The following FXR2 variants were observed in gnomAD, a reference collection of about 807,000 sequenced individuals.
The protein encoded by FXR2 is RNA-binding protein FXR2.
FXR2 carries 9 observed loss-of-function variants against 87.3 expected under a neutral mutation model. That is an observed-to-expected ratio of 0.10 (90% CI 0.06 to 0.18). The LOEUF (loss-of-function observed/expected upper bound fraction) is 0.18. Ranked by LOEUF, FXR2 falls within the 10% of genes least tolerant of loss-of-function variation. The pLI, the probability that FXR2 is intolerant of heterozygous loss-of-function variation, is 1.00. For missense variants in FXR2, 661 were observed against 893.6 expected (o/e 0.74, Z 3.32); for synonymous variants, 331 against 328.3 (o/e 1.01, Z -0.09).
chr17:7,603,030 C>A (rs763077481), intron 5 of FXR2, 28 bp from the exon 6 acceptor site: 28 of 1,129,072 alleles, frequency 2.5e-5, no homozygotes, highest in Middle Eastern at 3.9e-4. Context: ...ACTCAGCGGG[C>A]AGAATGCAGA....
chr17:7,607,572 C>T (rs1012233911), intron 1 of FXR2, among the ~76,000 whole-genome samples: 4 of 151,764 alleles, frequency 2.6e-5, no homozygotes, highest in African/African-American at 9.7e-5. Context: ...AGATTACAGG[C>T]AACCGCCACC....
intron 1 of FXR2, among the ~76,000 whole-genome samples, chr17:7,609,903 CATAT>C (rs1022061288): frequency 7.6e-6 from 1 of 132,284 alleles, no homozygotes; most frequent in Admixed American, 8.4e-5. Flanking sequence ...TATACACATA[CATAT>C]ATATGTATAT....
chr17:7,605,910 T>C, intron 2 of FXR2, 172 bp from the exon 3 acceptor site: 2 of 644,420 alleles, frequency 3.1e-6, no homozygotes, highest in Non-Finnish European at 5.5e-6. Flanking sequence ...AGACTCTAAA[T>C]ACTGGGTCAA....
chr17:7,593,702 G>T lies in FXR2; in HGVS notation c.1108-77C>A. The T allele has an allele frequency of 2.0e-6, 2 of 1,023,562 alleles. No homozygotes were observed. Among genetic ancestry groups the T allele is most frequent in the Middle Eastern group, 2.0e-4 (1 of 4,942 alleles). The allele number at this position is 1,023,562 out of a possible 1,614,324, so 63.4% of individuals were successfully genotyped here. On this transcript the variant is annotated intron_variant, in intron 11 of 16. Coordinates refer to ENST00000250113, the MANE Select transcript of FXR2 (RefSeq NM_004860.4). This position sits in a 1 kb window ranked among gnomAD's most constrained non-coding sequence, Gnocchi z 6.1. ...TGCTTCATGCTTCTGCACCCTGACT[G>T]TCCCTCTATATCTAACCTCTCAGGA...
intron 7 of FXR2, among the ~76,000 whole-genome samples, chr17:7,599,176 T>C (rs1043092973): frequency 4.7e-5 from 7 of 149,764 alleles, no homozygotes; most frequent in African/African-American, 1.7e-4. Context: ...GGCATGCACC[T>C]GTAATCCCAC....
chr17:7,600,838 T>C (rs975974683), intron 7 of FXR2, among the ~76,000 whole-genome samples: 2 of 149,826 alleles, frequency 1.3e-5, no homozygotes, highest in Non-Finnish European at 3.0e-5. Flanking sequence ...CAGCTGAGAC[T>C]ATACCATTAC....
rs538238592 is a variant in FXR2, at chr17:7,602,525, G to A, written c.543+384C>T. Among the ~76,000 whole-genome samples, 122 of 151,872 alleles carry A rather than the reference G, an allele frequency of 8.0e-4. 2 individuals are homozygous for A. The highest frequency in any genetic ancestry group is 6.8e-4 in the Non-Finnish European group (46 of 67,940). On this transcript the variant is annotated intron_variant, in intron 6 of 16. Transcript: ENST00000250113. ...GGAGGTTGCAGTGAGCCGAGATCGCGCCACTGCACTCCAGCCTGGGCGACA... is the reference window on the plus strand; with the variant it reads ...GGAGGTTGCAGTGAGCCGAGATCGCACCACTGCACTCCAGCCTGGGCGACA...
rs199995331 is a variant in FXR2 at position 7,594,214 on chromosome 17, T to C, written c.1020+24A>G. ...ATTTACTTCTGGAAACCAATCTCTATGCCCACTTGCCCCGTACCCATACCT... is the reference window on the plus strand; with the variant it reads ...ATTTACTTCTGGAAACCAATCTCTACGCCCACTTGCCCCGTACCCATACCT... On this transcript the variant is annotated intron_variant, in intron 10 of 16. Coordinates refer to ENST00000250113, the MANE Select transcript of FXR2 (RefSeq NM_004860.4). The surrounding 1 kb of genome is among the most constrained non-coding windows in gnomAD (Gnocchi z 5.1). 2 of 1,329,134 alleles carry C rather than the reference T, an allele frequency of 1.5e-6. No homozygotes were observed. Among genetic ancestry groups the C allele is most frequent in the Admixed American group, 1.7e-5 (1 of 58,864 alleles). 82.3% of individuals were successfully genotyped at this position (1,329,134 alleles called of 1,614,324 possible). A position where few individuals can be genotyped will look rare whatever the true frequency, so the allele number is the denominator to read the frequency against.
In FXR2 at chr17:7,592,955, C is replaced by A. The variant is rs774095733; in HGVS notation, c.1528+29G>T. The A allele has an allele frequency of 1.9e-6, 3 of 1,549,824 alleles. No individual in the cohort carries two copies. The highest frequency in any genetic ancestry group is 2.5e-5 in the South Asian group (2 of 80,976). On this transcript the variant is annotated intron_variant, in intron 13 of 16. Transcript: ENST00000250113. The surrounding 1 kb of genome is among the most constrained non-coding windows in gnomAD (Gnocchi z 4.8). Reference sequence around the variant, plus strand: ...GGTGCCCATCATCTTTCCTTTTGGCCCATATTCATGAACCCAGCTGTCTGG... The same window carrying A: ...GGTGCCCATCATCTTTCCTTTTGGCACATATTCATGAACCCAGCTGTCTGG...
At chr17:7,604,758 G>A (rs1597878076) in intron 3 of FXR2, among the ~76,000 whole-genome samples, 1 of 144,878 alleles carries the variant, frequency 6.9e-6, no homozygotes, top group African/African-American at 2.5e-5. Context: ...TTTCGCTCTT[G>A]GTGCTCAGGC....
chr17:7,605,951 T>C, intron 2 of FXR2, 146 bp downstream of exon 2: 1 of 664,294 alleles, frequency 1.5e-6, no homozygotes, highest in South Asian at 1.8e-5. Context: ...TTCTCAGCCC[T>C]TTCCTCTCCT....
Position 7,605,728 on chromosome 17 carries a change from C to T in FXR2, c.145G>A (p.Glu49Lys). The stretch of plus-strand genomic sequence containing the variant: ...ACATCCCCAAAAGGAATTTGTCTCT[C>T]ACTCTGCCAGCTATAATAGAAACAA... ...TIFFENNWQS[E>K]RQIPFGDVRL... The change falls in exon 3 of 17, where the codon GAG (glutamate) becomes AAG (lysine). Residue 49 changes from glutamate (E) to lysine (K), a missense_variant. This residue lies in a region of FXR2 where 170 missense variants were observed against 247.2 expected (regional missense o/e 0.69). Coordinates refer to ENST00000250113, the MANE Select transcript of FXR2 (RefSeq NM_004860.4). The T allele has an allele frequency of 6.4e-7, 1 of 1,558,990 alleles. No homozygotes were observed. The highest frequency in any genetic ancestry group is 8.8e-7 in the Non-Finnish European group (1 of 1,131,968).
At chr17:7,601,325 A>G in intron 7 of FXR2, 84 bp downstream of exon 7, 1 of 816,516 alleles carries the variant, frequency 1.2e-6, no homozygotes, top group Non-Finnish European at 2.1e-6. Flanking sequence ...TTTGTTCTGT[A>G]AACACAAGAT....
At position 7,602,921 on chromosome 17, in the gene FXR2, C is replaced by A. The variant is rs531257511; in HGVS notation, c.531G>T (p.Glu177Asp). Residue 177 changes from glutamate to aspartate, a missense_variant, in exon 6 of 17, where the codon GAG becomes GAT. Physicochemically the swap from Glu to Asp is conservative, Grantham distance 45. Around this residue, in one of 3 missense-constraint regions of FXR2, gnomAD observed 170 missense variants for 247.2 expected, o/e 0.69. Coordinates refer to ENST00000250113, the MANE Select transcript of FXR2 (RefSeq NM_004860.4). ...AGAATAAACTCACCAGAATGAAGAG[C>A]TCACTGTTTGTGATGTTGAGAAAGA... ...NCIFLNITNSELFILSTTEAP... is the reference protein window; with the variant it reads ...NCIFLNITNSDLFILSTTEAP... 4.3e-4 allele frequency: 645 copies of A among 1,502,714 alleles called. 6 individuals carry two copies. In the South Asian group the frequency reaches 7.0e-3, roughly 16 times the overall value. 93.1% of individuals were successfully genotyped at this position (1,502,714 alleles called of 1,614,324 possible).
chr17:7,604,116 A>G (rs1567751713), intron 3 of FXR2, 36 bp from the exon 4 acceptor site: 3 of 1,467,936 alleles, frequency 2.0e-6, no homozygotes, highest in Non-Finnish European at 2.8e-6. Context: ...GATATTGAAG[A>G]CCACCCAAAA....
intron 1 of FXR2, among the ~76,000 whole-genome samples, chr17:7,609,981 T>TATATATATATACATGCATATGTATAC (rs2071843638): frequency 1.4e-4 from 7 of 48,536 alleles, no homozygotes; most frequent in African/African-American, 3.5e-4. Flanking sequence ...TATGTATACA[T>TATATATATATACATGCATATGTATAC]ATATATATAC....
At chr17:7,600,963 T>A (rs966732821) in intron 7 of FXR2, among the ~76,000 whole-genome samples, 2 of 151,798 alleles carry the variant, frequency 1.3e-5, no homozygotes, top group Admixed American at 1.3e-4. Flanking sequence ...GTGGATCACA[T>A]GAGGCCAGGA....
chr17:7,611,099 T>C lies in FXR2; in HGVS notation c.81+3353A>G, dbSNP rs568393979. On this transcript the variant is annotated intron_variant, in intron 1 of 16. Transcript: ENST00000250113. ...CCAGATGAGGTTTGGAGTAGGAAGATTGCGCCCTGGACGGTGAATACTTCA... is the reference window on the plus strand; with the variant it reads ...CCAGATGAGGTTTGGAGTAGGAAGACTGCGCCCTGGACGGTGAATACTTCA... Among the ~76,000 whole-genome samples, 18 of 152,226 alleles carry C rather than the reference T, an allele frequency of 1.2e-4. No homozygotes were observed. In the East Asian group the frequency reaches 1.9e-3, roughly 16 times the overall value.
intron 7 of FXR2, among the ~76,000 whole-genome samples, chr17:7,598,404 G>A (rs573869498): frequency 3.3e-5 from 5 of 152,306 alleles, no homozygotes; most frequent in African/African-American, 7.2e-5. Context: ...GCAGTGAGCC[G>A]AGATCACGCC....
Sources: allele counts gnomAD v4.1 joint callset (sites outside exome capture counted in the v4.1 genomes callset), GRCh38; gene constraint gnomAD v4.1.1; regional missense constraint gnomAD v4.1.1; non-coding constraint Gnocchi (gnomAD v3.1); transcripts MANE v1.5; gene names NCBI Gene and HGNC (gene_info 2026-07-23, HGNC 2026-07-21).